Variants in TRAPPC3 observed in about 807,000 individuals in gnomAD.
TRAPPC3 encodes trafficking protein particle complex subunit 3.
In TRAPPC3, 5 loss-of-function variants were observed where a neutral mutation model predicts 18.2. The observed-to-expected ratio is 0.28, with a 90% CI of 0.14 to 0.58. The LOEUF (loss-of-function observed/expected upper bound fraction) is 0.58, where lower values mean the gene tolerates loss of function less well. Ranked by LOEUF, TRAPPC3 falls within the 20% of genes least tolerant of loss-of-function variation. TRAPPC3 has a pLI of 0.91. For synonymous variants in TRAPPC3, 65 were observed against 84.2 expected (o/e 0.77, Z 1.25); for missense variants, 176 against 225.9 (o/e 0.78, Z 1.41).
intron 1 of TRAPPC3, among the ~76,000 whole-genome samples, chr1:36,155,152 A>AGGGCAGGGCCAGGGT (rs1056348160): frequency 1.3e-5 from 2 of 152,218 alleles, no homozygotes; most frequent in African/African-American, 4.8e-5. Flanking sequence ...GTCAGGACAA[A>AGGGCAGGGCCAGGGT]GGGCAGGGCC....
upstream of TRAPPC3, among the ~76,000 whole-genome samples, chr1:36,152,708 T>C (rs1342653800): frequency 6.6e-6 from 1 of 152,218 alleles, no homozygotes; most frequent in East Asian, 1.9e-4. Context: ...TGGAGTGCAG[T>C]GGCACAAACA....
chr1:36,148,481 G>C (rs938843041), intron 1 of TRAPPC3, among the ~76,000 whole-genome samples: 2 of 152,092 alleles, frequency 1.3e-5, no homozygotes, highest in Non-Finnish European at 2.9e-5. Flanking sequence ...TGTAATCCCA[G>C]CTACTCGGGA....
intron 1 of TRAPPC3, among the ~76,000 whole-genome samples, chr1:36,144,986 A>G (rs1437937354): frequency 2.0e-5 from 3 of 152,206 alleles, no homozygotes; most frequent in Non-Finnish European, 4.4e-5. Flanking sequence ...TTAGTGCCCC[A>G]AACAAAATGT....
At position 36,137,349 on chromosome 1, in the gene TRAPPC3, G is replaced by C. The variant is rs535982606; in HGVS notation, c.424-27C>G. 9.4e-6 allele frequency: 15 copies of C among 1,597,584 alleles called. No homozygotes were observed. In the South Asian group the frequency reaches 1.7e-4, roughly 18 times the overall value. The stretch of plus-strand genomic sequence containing the variant: ...TGGGGGACAGTGGGAAAACGAAGGG[G>C]TAGCTGCCTGGCCACAGCCTCTAGG... On this transcript the variant is annotated intron_variant, in intron 4 of 4. Transcript: ENST00000373166.
upstream of TRAPPC3, among the ~76,000 whole-genome samples, chr1:36,152,829 T>G (rs1644281200): frequency 6.6e-6 from 1 of 152,008 alleles, no homozygotes; most frequent in African/African-American, 2.4e-5. Context: ...TTTTTGTATT[T>G]TTGGTGGAGA....
intron 4 of TRAPPC3, 46 bp from the exon 5 acceptor site, chr1:36,137,368 C>G (rs374226346): frequency 1.3e-6 from 2 of 1,588,758 alleles, no homozygotes; most frequent in South Asian, 2.2e-5. Context: ...TGGCCACAGC[C>G]TCTAGGGAAC....
At chr1:36,147,034 C>A (rs905863557) in intron 1 of TRAPPC3, among the ~76,000 whole-genome samples, 6 of 152,178 alleles carry the variant, frequency 3.9e-5, no homozygotes, top group African/African-American at 1.4e-4. Context: ...TTCAATAAAT[C>A]TGTGCTTTTG....
upstream of TRAPPC3, among the ~76,000 whole-genome samples, chr1:36,153,598 AT>A (rs1240511277): frequency 6.6e-6 from 1 of 152,136 alleles, no homozygotes; most frequent in African/African-American, 2.4e-5. Context: ...AGAATTCCTT[AT>A]TGTGAGGATG....
At chr1:36,142,713 C>T (rs948894245) in intron 1 of TRAPPC3, among the ~76,000 whole-genome samples, 13 of 152,150 alleles carry the variant, frequency 8.5e-5, no homozygotes, top group Non-Finnish European at 1.9e-4. Flanking sequence ...AAATGTATAA[C>T]TTAAAGGCCT....
exon 1 of TRAPPC3, chr1:36,156,049 CGGCGCGGGCGCGGGG>C (rs1304640351): frequency 2.5e-5 from 6 of 241,820 alleles, no homozygotes; most frequent in Middle Eastern, 2.5e-3. Context: ...ACGGCGCGGA[CGGCGCGGGCGCGGGG>C]GGCTGGGTCC....
chr1:36,138,057 G>A (rs1644051823), intron 3 of TRAPPC3, 79 bp from the exon 4 acceptor site: 5 of 1,606,384 alleles, frequency 3.1e-6, no homozygotes, highest in Non-Finnish European at 4.3e-6. Context: ...AACTGGCAAA[G>A]GGGAATTAAG....
intron 1 of TRAPPC3, among the ~76,000 whole-genome samples, chr1:36,145,169 C>T (rs573720975): frequency 6.6e-6 from 1 of 152,068 alleles, no homozygotes; most frequent in South Asian, 2.1e-4. Context: ...CTACAGGCGC[C>T]CGCCACCACA....
upstream of TRAPPC3, among the ~76,000 whole-genome samples, chr1:36,152,127 T>G (rs1473882363): frequency 6.6e-6 from 1 of 152,114 alleles, no homozygotes; most frequent in South Asian, 2.1e-4. Context: ...GGGAGCAGCA[T>G]CCAAGGCCTC....
upstream of TRAPPC3, among the ~76,000 whole-genome samples, chr1:36,149,832 T>C (rs1644255270): frequency 6.6e-6 from 1 of 152,194 alleles, no homozygotes; most frequent in Non-Finnish European, 1.5e-5. Flanking sequence ...GGAAAGTCCC[T>C]CTTTCGAGCT....
In TRAPPC3 at chr1:36,146,765, G is replaced by GAAA. The variant is rs201444560; in HGVS notation, c.42+2571_42+2572insTTT. On this transcript the variant is annotated intron_variant, in intron 1 of 4. Transcript: ENST00000373166. ...TTTTTCCACTGCTAGAAGATACACA[G>GAAA]TATATATGGTATACATTTCTGTCTC... 0.017 allele frequency among the ~76,000 whole-genome samples: 2,640 copies of GAAA among 152,216 alleles called. 146 individuals carry two copies. In the East Asian group the frequency reaches 0.21, roughly 12 times the overall value.
intron 1 of TRAPPC3, among the ~76,000 whole-genome samples, chr1:36,145,786 T>C (rs1269600572): frequency 1.3e-5 from 2 of 152,246 alleles, no homozygotes; most frequent in African/African-American, 4.8e-5. Flanking sequence ...TTTTTATTTT[T>C]GTTTTGAGAC....
intron 3 of TRAPPC3, chr1:36,138,329 T>C: frequency 3.5e-6 from 5 of 1,422,422 alleles, no homozygotes; most frequent in South Asian, 1.3e-5. Flanking sequence ...GCTGCCTGAG[T>C]GCAGAGGCCC....
At position 36,149,485 on chromosome 1, in the gene TRAPPC3, C is replaced by G. The variant is rs772077923; in HGVS notation, c.-107G>C. 2 of 1,427,216 alleles carry G rather than the reference C, an allele frequency of 1.4e-6. No homozygotes were observed. The highest frequency in any genetic ancestry group is 1.9e-6 in the Non-Finnish European group (2 of 1,041,622). 88.4% of individuals were successfully genotyped at this position (1,427,216 alleles called of 1,614,324 possible). A position where few individuals can be genotyped will look rare whatever the true frequency, so the allele number is the denominator to read the frequency against. On this transcript the variant is annotated 5_prime_UTR_variant, in exon 1 of 5. Coordinates refer to ENST00000373166, the MANE Select transcript of TRAPPC3 (RefSeq NM_014408.5). ...CCTCAGCCCACAAGACCGACCGGCA[C>G]TGACTCACTGCGCCTGCGCGGCCTC...
In TRAPPC3 at chr1:36,136,855, A is replaced by C; in HGVS notation, c.*348T>G. On this transcript the variant is annotated 3_prime_UTR_variant, in exon 5 of 5. Coordinates refer to ENST00000373166, the MANE Select transcript of TRAPPC3 (RefSeq NM_014408.5). ...CAAATGGCTTTCTAAAGGCCCAGGG[A>C]TAGATGTGCCAGGCTTGCCTCTTAA... 2 of 171,058 alleles carry C rather than the reference A, an allele frequency of 1.2e-5. No individual in the cohort carries two copies. Among genetic ancestry groups the C allele is most frequent in the Admixed American group, 5.9e-5 (1 of 17,078 alleles). 10.6% of individuals were successfully genotyped at this position (171,058 alleles called of 1,614,324 possible). A position where few individuals can be genotyped will look rare whatever the true frequency, so the allele number is the denominator to read the frequency against.
Sources: allele counts gnomAD v4.1 joint callset (sites outside exome capture counted in the v4.1 genomes callset), GRCh38; gene constraint gnomAD v4.1.1; transcripts MANE v1.5; gene names NCBI Gene and HGNC (gene_info 2026-07-23, HGNC 2026-07-21).